The following FAM131C variants were observed in gnomAD, a reference collection of about 807,000 sequenced individuals.
FAM131C encodes the protein protein FAM131C.
FAM131C carries 14 observed loss-of-function variants against 29.8 expected under a neutral mutation model. The ratio of observed to expected loss-of-function variants is 0.47; its 90% CI spans 0.31 to 0.73. FAM131C has a LOEUF of 0.73. FAM131C is among the 30% of genes least tolerant of loss of function. FAM131C has a pLI of 0.05. For synonymous variants in FAM131C, 86 were observed against 157.8 expected, an observed-to-expected ratio of 0.54 and a Z score of 3.41; for missense variants, 252 against 383.8, an observed-to-expected ratio of 0.66 and a Z score of 2.87.
Position 16,073,423 on chromosome 1 carries a change from C to G in FAM131C, c.20G>C (p.Arg7Pro). The change falls in exon 1 of 7, where the codon CGA becomes CCA. Residue 7 changes from arginine to proline, a missense_variant and splice_region_variant. Physicochemically the swap from Arg to Pro is moderately radical, Grantham distance 103. Transcript: ENST00000375662. MGSCVS[R>P]DLFTSAHKNC... ...CGCCCCCGGCCGGGCCCCCTCACCTCGCGACACGCAGGAGCCCATCACGGG... is the reference window on the plus strand; with the variant it reads ...CGCCCCCGGCCGGGCCCCCTCACCTGGCGACACGCAGGAGCCCATCACGGG... 2 of 1,212,588 alleles carry G rather than the reference C, an allele frequency of 1.6e-6. No individual in the cohort carries two copies. Among genetic ancestry groups the G allele is most frequent in the Non-Finnish European group, 2.1e-6 (2 of 975,110 alleles). The allele number at this position is 1,212,588 out of a possible 1,614,324, so 75.1% of individuals were successfully genotyped here. A position where few individuals can be genotyped will look rare whatever the true frequency, so the allele number is the denominator to read the frequency against.
chr1:16,070,732 A>G (rs2023740120), intron 1 of FAM131C, among the ~76,000 whole-genome samples: 1 of 152,192 alleles, frequency 6.6e-6, no homozygotes, highest in Non-Finnish European at 1.5e-5. Flanking sequence ...CCTTACATGA[A>G]TTAAGCCATT....
intron 1 of FAM131C, among the ~76,000 whole-genome samples, chr1:16,072,767 G>A (rs2023766262): frequency 6.6e-6 from 1 of 152,144 alleles, no homozygotes; most frequent in Non-Finnish European, 1.5e-5. Context: ...GTACCACGTG[G>A]GGGAGAGTGG....
intron 4 of FAM131C, among the ~76,000 whole-genome samples, chr1:16,060,660 G>A (rs2023580477): frequency 6.6e-6 from 1 of 152,182 alleles, no homozygotes; most frequent in South Asian, 2.1e-4. Flanking sequence ...GATGAGAAGA[G>A]GATGAAGGCA....
chr1:16,073,446 G>A lies in FAM131C; in HGVS notation c.-4C>T. ...CTCGCGACACGCAGGAGCCCATCAC[G>A]GGGCCGCGGGGCCGGGCCGCTGCGC... On this transcript the variant is annotated 5_prime_UTR_variant, in exon 1 of 7. Coordinates refer to ENST00000375662, the MANE Select transcript of FAM131C (RefSeq NM_182623.3). 5 of 1,206,942 alleles carry A rather than the reference G, an allele frequency of 4.1e-6. No homozygotes were observed. The highest frequency in any genetic ancestry group is 5.1e-6 in the Non-Finnish European group (5 of 971,562). 74.8% of individuals were successfully genotyped at this position (1,206,942 alleles called of 1,614,324 possible). A position where few individuals can be genotyped will look rare whatever the true frequency, so the allele number is the denominator to read the frequency against.
intron 1 of FAM131C, among the ~76,000 whole-genome samples, chr1:16,068,249 G>A (rs1253481151): frequency 1.3e-5 from 2 of 152,236 alleles, no homozygotes; most frequent in East Asian, 1.9e-4. Flanking sequence ...TTAAGTCCCC[G>A]CTTCTCACTT....
In FAM131C at chr1:16,073,547, C is replaced by G; in HGVS notation, c.-105G>C. The G allele has an allele frequency of 1.8e-6, 1 of 569,830 alleles. No individual in the cohort carries two copies. The highest frequency in any genetic ancestry group is 2.0e-5 in the African/African-American group (1 of 50,256). The allele number at this position is 569,830 out of a possible 1,614,324, so 35.3% of individuals were successfully genotyped here. On this transcript the variant is annotated 5_prime_UTR_variant, in exon 1 of 7. Transcript: ENST00000375662. ...GAGCGCTGCGGAGCCAGAGGACGGG[C>G]GGGGCGGGGGGCTCGGGCGCCCTCA...
Position 16,058,574 on chromosome 1 carries a change from G to T in FAM131C, c.706C>A (p.Pro236Thr). Residue 236 changes from proline to threonine, a missense_variant, in exon 7 of 7, where the codon CCC becomes ACC. Pro to Thr is a conservative substitution (Grantham distance 38, BLOSUM62 -1). Coordinates refer to ENST00000375662, the MANE Select transcript of FAM131C (RefSeq NM_182623.3). ...CGATGCTGCAGCTCTGGGCTGGGGG[G>T]CTGCGGGATGCCAGCGGTGCTGGGG... ...EPPSTAGIPQ[P>T]PSPELQHRRR... 1 of 1,544,172 alleles carries T rather than the reference G, an allele frequency of 6.5e-7. No individual in the cohort carries two copies. The highest frequency in any genetic ancestry group is 2.4e-5 in the East Asian group (1 of 41,376).
chr1:16,059,934 G>T lies in FAM131C; in HGVS notation c.386C>A (p.Ser129Tyr), dbSNP rs938640535. 6.4e-7 allele frequency: 1 copy of T among 1,552,208 alleles called. No individual in the cohort carries two copies. Among genetic ancestry groups the T allele is most frequent in the Non-Finnish European group, 8.7e-7 (1 of 1,149,872 alleles). Residue 129 changes from serine to tyrosine, a missense_variant, in exon 5 of 7, where the codon TCC (serine) becomes TAC (tyrosine). Coordinates refer to ENST00000375662, the MANE Select transcript of FAM131C (RefSeq NM_182623.3). ...GCAGTAATGCTCGTCCTCAGCTGGG[G>T]ACAGCTCCCAGCCTGCCGGCTGGGC... Reference protein sequence around the residue: ...WSAQPAGWELSPAEDEHYCCL... With the variant: ...WSAQPAGWELYPAEDEHYCCL...
At chr1:16,073,072 C>T (rs1460426728) in intron 1 of FAM131C, among the ~76,000 whole-genome samples, 1 of 152,034 alleles carries the variant, frequency 6.6e-6, no homozygotes, top group East Asian at 1.9e-4. Context: ...TCCCGGTGCC[C>T]GCAGTTCCTC....
Position 16,058,525 on chromosome 1 carries a change from C to G in FAM131C, c.755G>C (p.Gly252Ala), listed in dbSNP as rs2023523390. 6.6e-7 allele frequency: 1 copy of G among 1,521,716 alleles called. No individual in the cohort carries two copies. Among genetic ancestry groups the G allele is most frequent in the African/African-American group, 1.4e-5 (1 of 72,698 alleles). The allele number at this position is 1,521,716 out of a possible 1,614,324, so 94.3% of individuals were successfully genotyped here. A position where few individuals can be genotyped will look rare whatever the true frequency, so the allele number is the denominator to read the frequency against. The change falls in exon 7 of 7, where the codon GGA (glycine) becomes GCA (alanine). Residue 252 changes from glycine (G) to alanine (A), a missense_variant. Gly to Ala is a moderately conservative substitution (Grantham distance 60, BLOSUM62 0). Transcript: ENST00000375662. ...CGGGGGGTGGGTCCCACCCTCGGGT[C>G]CTTGGGCCCCGGGCAGCCGCCGCCG... ...QHRRRLPGAQ[G>A]PEGGTHPPGS... is the part of the protein sequence containing the mutation.
intron 1 of FAM131C, among the ~76,000 whole-genome samples, chr1:16,071,512 A>G (rs577282252): frequency 1.3e-3 from 194 of 152,360 alleles, no homozygotes; most frequent in African/African-American, 4.5e-3. Context: ...GCAGCCACCC[A>G]GAGTCTCTGG....
At chr1:16,060,451 A>G (rs940534488) in intron 4 of FAM131C, among the ~76,000 whole-genome samples, 1 of 138,154 alleles carries the variant, frequency 7.2e-6, no homozygotes, top group African/African-American at 2.5e-5. Flanking sequence ...AGGACCACTC[A>G]TGAGCCCCCA....
Position 16,073,414 on chromosome 1 carries a change from C to G in FAM131C, c.22+7G>C. On this transcript the variant is annotated splice_region_variant and intron_variant, in intron 1 of 6. Coordinates refer to ENST00000375662, the MANE Select transcript of FAM131C (RefSeq NM_182623.3). ...CGATCCCCCCGCCCCCGGCCGGGCC[C>G]CCTCACCTCGCGACACGCAGGAGCC... 1 of 1,211,732 alleles carries G rather than the reference C, an allele frequency of 8.3e-7. No homozygotes were observed. The highest frequency in any genetic ancestry group is 1.0e-6 in the Non-Finnish European group (1 of 974,164). The allele number at this position is 1,211,732 out of a possible 1,614,324, so 75.1% of individuals were successfully genotyped here. A position where few individuals can be genotyped will look rare whatever the true frequency, so the allele number is the denominator to read the frequency against.
intron 1 of FAM131C, 34 bp downstream of exon 1, chr1:16,073,386 AC>A: frequency 8.6e-7 from 1 of 1,168,948 alleles, no homozygotes; most frequent in African/African-American, 1.6e-5. Flanking sequence ...GGTCCCCGGC[AC>A]CCGATCCCCC....
intron 4 of FAM131C, among the ~76,000 whole-genome samples, chr1:16,061,697 T>C (rs1367160699): frequency 3.3e-5 from 5 of 152,050 alleles, no homozygotes; most frequent in Non-Finnish European, 5.9e-5. Context: ...AAGGCCCCTC[T>C]GCCTCCCCCG....
intron 1 of FAM131C, among the ~76,000 whole-genome samples, chr1:16,066,334 C>T (rs867953195): frequency 6.6e-6 from 1 of 152,198 alleles, no homozygotes; most frequent in South Asian, 2.1e-4. Context: ...TATTGACCAC[C>T]CCACCCATGA....
intron 1 of FAM131C, among the ~76,000 whole-genome samples, chr1:16,065,260 T>C (rs150615683): frequency 3.3e-5 from 5 of 152,262 alleles, no homozygotes; most frequent in South Asian, 2.1e-4. Context: ...CTCAGGGTCC[T>C]GCCTTCCCCC....
chr1:16,066,667 G>T (rs904255805), intron 1 of FAM131C, among the ~76,000 whole-genome samples: 1 of 152,234 alleles, frequency 6.6e-6, no homozygotes, highest in Non-Finnish European at 1.5e-5. Context: ...TGCAAGTCAG[G>T]TTAAGTATTA....
At position 16,062,541 on chromosome 1, in the gene FAM131C, CAAGAG is replaced by C. The variant is rs149573152; in HGVS notation, c.139-12_139-8del. ...AGAAATCCATCTGTTTGTCCTAAAACAAGAGGAGAGAGAGGATCAGGCAGGGCCTG... is the reference window on the plus strand; with the variant it reads ...AGAAATCCATCTGTTTGTCCTAAAACGAGAGAGAGGATCAGGCAGGGCCTG... On this transcript the variant is annotated splice_polypyrimidine_tract_variant and splice_region_variant and intron_variant, in intron 2 of 6. Transcript: ENST00000375662. The C allele has an allele frequency of 4.0e-3, 6,255 of 1,573,790 alleles. 155 individuals are homozygous for C. In the African/African-American group the frequency reaches 0.073, roughly 18 times the overall value.
Sources: allele counts gnomAD v4.1 joint callset (sites outside exome capture counted in the v4.1 genomes callset), GRCh38; gene constraint gnomAD v4.1.1; transcripts MANE v1.5; gene names NCBI Gene and HGNC (gene_info 2026-07-23, HGNC 2026-07-21).